COL24A1: variants seen among roughly 807,000 people sequenced by gnomAD.
The protein encoded by COL24A1 is collagen type XXIV alpha 1 chain, also known as collagen alpha-1(XXIV) chain.
A neutral mutation model predicts 253.9 loss-of-function variants in COL24A1; 224 were observed. The ratio of observed to expected loss-of-function variants is 0.88; its 90% CI spans 0.79 to 0.99. The LOEUF (loss-of-function observed/expected upper bound fraction) is 0.99. Ranked by LOEUF, COL24A1 falls within the 50% of genes least tolerant of loss-of-function variation. The pLI, the probability that COL24A1 is intolerant of heterozygous loss-of-function variation, is 0.00. For synonymous variants in COL24A1, 685 were observed against 673.7 expected (o/e 1.02, Z -0.26); for missense variants, 2,131 against 2,068.5 (o/e 1.03, Z -0.59).
chr1:86,090,783 T>G (rs995881089), intron 6 of COL24A1, among the ~76,000 whole-genome samples: 5 of 152,118 alleles, frequency 3.3e-5, no homozygotes, highest in Admixed American at 6.6e-5. Flanking sequence ...ACTATTAAAT[T>G]TTATATCTTA....
intron 46 of COL24A1, among the ~76,000 whole-genome samples, chr1:85,817,518 G>A (rs893880247): frequency 2.0e-5 from 3 of 151,814 alleles, no homozygotes; most frequent in African/African-American, 7.3e-5. Flanking sequence ...CACCAGTAAA[G>A]TCTTTGCTAA....
At chr1:86,032,940 A>G (rs574630660) in intron 13 of COL24A1, among the ~76,000 whole-genome samples, 2 of 152,264 alleles carry the variant, frequency 1.3e-5, no homozygotes, top group Admixed American at 6.5e-5. Flanking sequence ...TTAAAAATAA[A>G]TAATGTCTAC....
intron 33 of COL24A1, among the ~76,000 whole-genome samples, chr1:85,875,716 GACACACACACACACACACACAC>G (rs141827930): frequency 0.16 from 23,052 of 141,092 alleles, 2,207 homozygotes; most frequent in Non-Finnish European, 0.22. Context: ...CATTATAAAA[GACACACACACACACACACACAC>G]ACACACACAC....
chr1:86,125,435 C>T lies in COL24A1; in HGVS notation c.901G>A (p.Val301Met), dbSNP rs560527643. The T allele has an allele frequency of 2.4e-5, 39 of 1,613,514 alleles. No homozygotes were observed. The highest frequency in any genetic ancestry group is 1.7e-4 in the Middle Eastern group (1 of 6,054). Residue 301 changes from valine (V) to methionine (M), a missense_variant, in exon 3 of 60, where the codon GTG becomes ATG. Coordinates refer to ENST00000370571, the MANE Select transcript of COL24A1 (RefSeq NM_152890.7). Reference sequence around the variant, plus strand: ...ATCTGGTGTTCTTGTCTTTTATACACGGTTTCAGAATCATTTTTTATGATA... The same window carrying T: ...ATCTGGTGTTCTTGTCTTTTATACATGGTTTCAGAATCATTTTTTATGATA... ...PNIIKNDSET[V>M]YKRQEHQISR... is the part of the protein sequence containing the mutation.
chr1:86,086,365 C>T (rs1015797832), intron 7 of COL24A1, among the ~76,000 whole-genome samples: 7 of 152,074 alleles, frequency 4.6e-5, no homozygotes, highest in Non-Finnish European at 1.0e-4. Flanking sequence ...TGCACATGTC[C>T]CTGACCTGAG....
At chr1:85,736,886 C>T (rs1055896549) in intron 58 of COL24A1, among the ~76,000 whole-genome samples, 2 of 152,102 alleles carry the variant, frequency 1.3e-5, no homozygotes, top group Non-Finnish European at 2.9e-5. Flanking sequence ...AACATGCATT[C>T]GTTCTAAACG....
At chr1:86,011,872 A>G (rs1226606278) in intron 19 of COL24A1, among the ~76,000 whole-genome samples, 1 of 152,210 alleles carries the variant, frequency 6.6e-6, no homozygotes, top group African/African-American at 2.4e-5. Context: ...CTGCTGCCAT[A>G]AAGAACAGAA....
intron 19 of COL24A1, among the ~76,000 whole-genome samples, chr1:86,001,966 A>C (rs916658851): frequency 6.6e-6 from 1 of 152,228 alleles, no homozygotes; most frequent in Non-Finnish European, 1.5e-5. Flanking sequence ...TGATAATTGA[A>C]TATTGACTTC....
rs765910059 is a variant in COL24A1, at chr1:86,126,076, T to A, written c.260A>T (p.Asp87Val). The A allele has an allele frequency of 6.2e-7, 1 of 1,613,486 alleles. No homozygotes were observed. Among genetic ancestry groups the A allele is most frequent in the African/African-American group, 1.3e-5 (1 of 74,876 alleles). The change falls in exon 3 of 60, where the codon GAT becomes GTT. Residue 87 changes from aspartate (D) to valine (V), a missense_variant. By Grantham distance (152) the Asp-to-Val change is radical. Coordinates refer to ENST00000370571, the MANE Select transcript of COL24A1 (RefSeq NM_152890.7). ...LTESGVIFKN[D>V]AYIETPFVKI... ...CACGAAAGGTGTCTCGATATAAGCA[T>A]CATTTTTAAAAATGACTCCTGATTC...
chr1:85,739,097 T>G (rs191655054), intron 57 of COL24A1, among the ~76,000 whole-genome samples: 2 of 152,296 alleles, frequency 1.3e-5, no homozygotes, highest in East Asian at 3.9e-4. Context: ...CTTCAGAATT[T>G]TGAATATTTC....
At chr1:85,962,975 A>AG (rs2100692136) in intron 23 of COL24A1, among the ~76,000 whole-genome samples, 1 of 152,274 alleles carries the variant, frequency 6.6e-6, no homozygotes, top group Non-Finnish European at 1.5e-5. Flanking sequence ...AGAATAGAAA[A>AG]CATCTCATTA....
At chr1:85,947,426 T>C (rs1367840637) in intron 24 of COL24A1, among the ~76,000 whole-genome samples, 1 of 152,214 alleles carries the variant, frequency 6.6e-6, no homozygotes, top group Non-Finnish European at 1.5e-5. Flanking sequence ...ACCAACTAAA[T>C]TGCCTTATTC....
At chr1:85,844,811 T>A (rs146372047) in intron 39 of COL24A1, among the ~76,000 whole-genome samples, 1 of 151,944 alleles carries the variant, frequency 6.6e-6, no homozygotes, top group Admixed American at 6.6e-5. Context: ...AAGCCAAAGA[T>A]CTACTGCTAA....
chr1:85,917,197 T>C (rs1174294330), intron 24 of COL24A1, among the ~76,000 whole-genome samples: 2 of 152,232 alleles, frequency 1.3e-5, no homozygotes, highest in East Asian at 3.8e-4. Flanking sequence ...AAAGGATACA[T>C]CATTATGTGT....
intron 1 of COL24A1, chr1:86,155,590 G>C (rs1327032592): frequency 6.6e-6 from 1 of 152,314 alleles, no homozygotes; most frequent in Admixed American, 6.5e-5. Context: ...GGGGAGGTGG[G>C]GTGCCCGTCA....
chr1:86,049,237 T>G (rs1271931245), intron 11 of COL24A1, among the ~76,000 whole-genome samples: 1 of 152,240 alleles, frequency 6.6e-6, no homozygotes, highest in African/African-American at 2.4e-5. Context: ...TGATTGTCAT[T>G]ACAGCATATT....
intron 3 of COL24A1, among the ~76,000 whole-genome samples, chr1:86,121,311 A>G (rs1019498582): frequency 1.3e-5 from 2 of 152,022 alleles, no homozygotes; most frequent in South Asian, 4.1e-4. Flanking sequence ...TCTACTCAGT[A>G]CCATTGTTTA....
At chr1:86,119,332 G>A (rs1367783534) in intron 3 of COL24A1, among the ~76,000 whole-genome samples, 1 of 110,752 alleles carries the variant, frequency 9.0e-6, no homozygotes, top group African/African-American at 2.8e-5. Flanking sequence ...TATTAGTCTT[G>A]AAAATCCACT....
At chr1:85,892,697 C>T (rs910433469) in intron 31 of COL24A1, among the ~76,000 whole-genome samples, 2 of 151,892 alleles carry the variant, frequency 1.3e-5, no homozygotes, top group African/African-American at 4.8e-5. Flanking sequence ...AGATGTAATA[C>T]ATAAAATAAT....
Sources: gnomAD v4.1 joint callset for allele counts (sites outside exome capture counted in the v4.1 genomes callset) on GRCh38, gnomAD v4.1.1 for gene constraint, MANE v1.5 for transcripts, NCBI Gene and HGNC (gene_info 2026-07-23, HGNC 2026-07-21) for gene names.